Variants in TMEM51 observed in about 807,000 individuals in gnomAD.
TMEM51 encodes the protein chromosome 1 open reading frame 72.
Under a neutral mutation model 13.6 loss-of-function variants are expected in TMEM51, and 8 were observed. The observed-to-expected ratio is 0.59, with a 90% CI of 0.35 to 1.07. The LOEUF (loss-of-function observed/expected upper bound fraction) is 1.07, where lower values mean the gene tolerates loss of function less well. Ranked by LOEUF, TMEM51 falls within the 50% of genes least tolerant of loss-of-function variation. The pLI, the probability that TMEM51 is intolerant of heterozygous loss-of-function variation, is 0.02. For synonymous variants in TMEM51, 147 were observed against 144.4 expected, an observed-to-expected ratio of 1.02 and a Z score of -0.13; for missense variants, 279 against 330.7, an observed-to-expected ratio of 0.84 and a Z score of 1.21.
chr1:15,218,385 C>T (rs921264202), intron 3 of TMEM51, among the ~76,000 whole-genome samples: 2 of 152,138 alleles, frequency 1.3e-5, no homozygotes, highest in South Asian at 2.1e-4. Context: ...CGCAGCATGT[C>T]GCTAAGTGGG....
intron 1 of TMEM51, among the ~76,000 whole-genome samples, chr1:15,195,281 A>C (rs1040004083): frequency 1.3e-5 from 2 of 152,206 alleles, no homozygotes; most frequent in Admixed American, 6.5e-5. Flanking sequence ...TTTTTATAAA[A>C]GGACAAAGAA....
Position 15,161,783 on chromosome 1 carries a change from G to A in TMEM51, c.-267+7829G>A, listed in dbSNP as rs1642790052. ...GTCTTTACTAAAAATACAAAAATTAGCCAGGCATGGTGGCGGGCACCTGTA... is the reference window on the plus strand; with the variant it reads ...GTCTTTACTAAAAATACAAAAATTAACCAGGCATGGTGGCGGGCACCTGTA... On this transcript the variant is annotated intron_variant, in intron 1 of 3. Coordinates refer to ENST00000376008, the MANE Select transcript of TMEM51 (RefSeq NM_001136218.2). The surrounding 1 kb of genome is among the most constrained non-coding windows in gnomAD (Gnocchi z 4.0). 6.6e-6 allele frequency among the ~76,000 whole-genome samples: 1 copy of A among 151,674 alleles called. No homozygotes were observed. Among genetic ancestry groups the A allele is most frequent in the Admixed American group, 6.6e-5 (1 of 15,236 alleles).
At chr1:15,214,006 C>CTTTTTTTTTTTTTTTT (rs367871717) in intron 2 of TMEM51, among the ~76,000 whole-genome samples, 7 of 124,194 alleles carry the variant, frequency 5.6e-5, no homozygotes, top group African/African-American at 2.1e-4. Context: ...AGCACCCAGC[C>CTTTTTTTTTTTTTTTT]TTTTTTTTTT....
chr1:15,154,277 C>T lies in TMEM51; in HGVS notation c.-267+323C>T, dbSNP rs569580619. Among the ~76,000 whole-genome samples, 3 of 152,360 alleles carry T rather than the reference C, an allele frequency of 2.0e-5. No homozygotes were observed. The East Asian group carries it at 5.8e-4, about 30-fold the overall frequency. ...CGCCCGGCGGGCTTCGAACCCTTGGCTTCGCCAGAAGCGCTTTCAGCGCGT... is the reference window on the plus strand; with the variant it reads ...CGCCCGGCGGGCTTCGAACCCTTGGTTTCGCCAGAAGCGCTTTCAGCGCGT... On this transcript the variant is annotated intron_variant, in intron 1 of 3. Transcript: ENST00000376008.
chr1:15,192,111 G>A lies in TMEM51; in HGVS notation c.-266-18379G>A, dbSNP rs1215210438. The A allele has an allele frequency of 2.9e-5, 14 of 474,706 alleles. No homozygotes were observed. In the East Asian group the frequency reaches 7.9e-4, roughly 27 times the overall value. 29.4% of individuals were successfully genotyped at this position (474,706 alleles called of 1,614,324 possible). On this transcript the variant is annotated intron_variant, in intron 1 of 3. Transcript: ENST00000376008. ...GCGACACAGGGAGAGAATCATTTCT[G>A]ACCAGCTGTCCGTTTTGATGAACAG...
At chr1:15,202,057 G>A (rs1284782671) in intron 1 of TMEM51, among the ~76,000 whole-genome samples, 1 of 152,208 alleles carries the variant, frequency 6.6e-6, no homozygotes, top group African/African-American at 2.4e-5. Context: ...AGGAAGTGGG[G>A]TGCCTGCTGA....
intron 1 of TMEM51, among the ~76,000 whole-genome samples, chr1:15,163,191 A>C (rs940254781): frequency 2.0e-5 from 3 of 151,936 alleles, no homozygotes; most frequent in Non-Finnish European, 4.4e-5. Flanking sequence ...CTTGGAGCTT[A>C]CACCTTATTA....
rs1557855478 is a variant in TMEM51, at chr1:15,207,095, G to A, written c.-266-3395G>A. Among the ~76,000 whole-genome samples the A allele has an allele frequency of 6.6e-6, 1 of 152,220 alleles. No individual in the cohort carries two copies. The highest frequency in any genetic ancestry group is 2.4e-5 in the African/African-American group (1 of 41,470). On this transcript the variant is annotated intron_variant, in intron 1 of 3. Transcript: ENST00000376008. This position sits in a 1 kb window ranked among gnomAD's most constrained non-coding sequence, Gnocchi z 4.6. ...CCCCACTGAATTCCTCCTTTGTGAT[G>A]TGAATGTGGCACAGCCCGGTGGAAC...
chr1:15,190,878 C>G (rs1283695620), intron 1 of TMEM51, among the ~76,000 whole-genome samples: 1 of 152,128 alleles, frequency 6.6e-6, no homozygotes, highest in Non-Finnish European at 1.5e-5. Flanking sequence ...ACCTCCACCT[C>G]CCGGGTTCAA....
chr1:15,180,034 C>A (rs893680234), intron 1 of TMEM51, among the ~76,000 whole-genome samples: 1 of 152,164 alleles, frequency 6.6e-6, no homozygotes. Context: ...AAGTAAAGGG[C>A]AGATGCCTCC....
intron 1 of TMEM51, among the ~76,000 whole-genome samples, chr1:15,210,064 G>A (rs1241086413): frequency 6.6e-6 from 1 of 152,138 alleles, no homozygotes; most frequent in Non-Finnish European, 1.5e-5. Context: ...GGGAGACGGG[G>A]AGGGAAGGAG....
At chr1:15,167,245 T>C (rs979009264) in intron 1 of TMEM51, among the ~76,000 whole-genome samples, 1 of 138,878 alleles carries the variant, frequency 7.2e-6, no homozygotes, top group Non-Finnish European at 1.5e-5. Context: ...GAGAATGGCA[T>C]GAACCTGGGA....
chr1:15,215,381 C>T lies in TMEM51; in HGVS notation c.294C>T (p.Ala98=). The change falls in exon 3 of 4, where the codon GCC becomes GCT. Residue 98 remains alanine, a synonymous_variant. Coordinates refer to ENST00000376008, the MANE Select transcript of TMEM51 (RefSeq NM_001136218.2). The part of the protein sequence containing the change: ...KRKQRQGEDL[A]HVQHPTGAGP... The stretch of plus-strand genomic sequence containing the variant: ...AGCAGCGGCAGGGCGAGGACCTGGC[C>T]CATGTCCAGCACCCGACAGGCGCTG... The T allele has an allele frequency of 6.2e-7, 1 of 1,609,596 alleles. No homozygotes were observed. Among genetic ancestry groups the T allele is most frequent in the East Asian group, 2.2e-5 (1 of 44,878 alleles).
At chr1:15,187,721 A>G (rs185351989) in intron 1 of TMEM51, among the ~76,000 whole-genome samples, 2 of 152,282 alleles carry the variant, frequency 1.3e-5, no homozygotes, top group African/African-American at 4.8e-5. Flanking sequence ...CTTCTAGGGC[A>G]GTGGCCTAGG....
chr1:15,214,006 C>CTTTTTTTTTTTTTTTTTTTT, intron 2 of TMEM51, among the ~76,000 whole-genome samples: 1 of 124,196 alleles, frequency 8.1e-6, no homozygotes, highest in African/African-American at 3.1e-5. Flanking sequence ...AGCACCCAGC[C>CTTTTTTTTTTTTTTTTTTTT]TTTTTTTTTT....
chr1:15,178,537 C>T (rs550750149), intron 1 of TMEM51, among the ~76,000 whole-genome samples: 41 of 152,312 alleles, frequency 2.7e-4, no homozygotes, highest in African/African-American at 8.7e-4. Flanking sequence ...CTTCAGATAA[C>T]GGCCGGGTCT....
intron 1 of TMEM51, among the ~76,000 whole-genome samples, chr1:15,156,695 A>C (rs6429717): frequency 0.22 from 33,846 of 152,108 alleles, 5,109 homozygotes; most frequent in African/African-American, 0.43. Context: ...TCTCAGGTGG[A>C]GGGGACCTTC....
At chr1:15,186,335 C>T (rs143633851) in intron 1 of TMEM51, among the ~76,000 whole-genome samples, 7 of 152,220 alleles carry the variant, frequency 4.6e-5, no homozygotes, top group African/African-American at 1.4e-4. Flanking sequence ...ACAGGAAAGA[C>T]GGGGAAGGAA....
intron 1 of TMEM51, among the ~76,000 whole-genome samples, chr1:15,176,961 T>C (rs775541580): frequency 6.6e-6 from 1 of 152,076 alleles, no homozygotes; most frequent in South Asian, 2.1e-4. Flanking sequence ...AGCAACGTAT[T>C]TGGGAGCCAA....
Sources: allele counts gnomAD v4.1 joint callset (sites outside exome capture counted in the v4.1 genomes callset), GRCh38; gene constraint gnomAD v4.1.1; non-coding constraint Gnocchi (gnomAD v3.1); transcripts MANE v1.5; gene names NCBI Gene and HGNC (gene_info 2026-07-23, HGNC 2026-07-21).